TYMS: variants seen among roughly 807,000 people sequenced by gnomAD.
The protein encoded by TYMS is thymidylate synthase.
TYMS carries 21 observed loss-of-function variants against 39.3 expected under a neutral mutation model. The ratio of observed to expected loss-of-function variants is 0.54; its 90% CI spans 0.38 to 0.77. The LOEUF (loss-of-function observed/expected upper bound fraction) is 0.77. TYMS is among the 30% of genes least tolerant of loss of function. The probability of loss-of-function intolerance (pLI) is 0.00; values close to 1 mark genes in which losing one functional copy is unlikely to be tolerated. For missense variants in TYMS, 273 were observed against 406.7 expected, an observed-to-expected ratio of 0.67 and a Z score of 2.83; for synonymous variants, 171 against 162.2, an observed-to-expected ratio of 1.05 and a Z score of -0.41.
At chr18:667,919 TG>T (rs2144325236) in intron 3 of TYMS, among the ~76,000 whole-genome samples, 1 of 152,012 alleles carries the variant, frequency 6.6e-6, no homozygotes, top group African/African-American at 2.4e-5. Flanking sequence ...GTGGTATGAA[TG>T]CTTAGCTGTT....
At chr18:667,692 A>T (rs963890803) in intron 3 of TYMS, 3 of 152,200 alleles carry the variant, frequency 2.0e-5, no homozygotes, top group African/African-American at 7.2e-5. Flanking sequence ...GGCAAGTTTA[A>T]TATTATGTGT....
chr18:662,271 T>A lies in TYMS; in HGVS notation c.405T>A (p.Tyr135Ter). Residue 135 changes from tyrosine (Y) to a stop codon, truncating the protein, a stop_gained, in exon 3 of 7, where the codon TAT becomes TAA. Coordinates refer to ENST00000323274, the MANE Select transcript of TYMS (RefSeq NM_001071.4). LOFTEE classifies it high-confidence loss of function. ...AAGAAGGGGACTTGGGCCCAGTTTATGGCTTCCAGTGGAGGCATTTTGGGG... is the reference window on the plus strand; with the variant it reads ...AAGAAGGGGACTTGGGCCCAGTTTAAGGCTTCCAGTGGAGGCATTTTGGGG... ...TREEGDLGPVYGFQWRHFGAE... is the reference protein window; with the variant it reads ...TREEGDLGPV 1 of 1,613,854 alleles carries A rather than the reference T, an allele frequency of 6.2e-7. No individual in the cohort carries two copies. Among genetic ancestry groups the A allele is most frequent in the Non-Finnish European group, 8.5e-7 (1 of 1,179,946 alleles).
intron 4 of TYMS, chr18:669,454 C>T (rs992974244): frequency 8.1e-5 from 21 of 258,552 alleles, no homozygotes; most frequent in African/African-American, 4.7e-4. Flanking sequence ...CTCACTGTAA[C>T]CTCTGCCTCC....
Position 662,300 on chromosome 18 carries a change from A to C in TYMS, c.434A>C (p.Glu145Ala). The change falls in exon 3 of 7, where the codon GAA (glutamate) becomes GCA (alanine). Residue 145 changes from glutamate (E) to alanine (A), a missense_variant. Physicochemically the swap from Glu to Ala is moderately radical, Grantham distance 107. Around this residue, in one of 3 missense-constraint regions of TYMS, gnomAD observed 228 missense variants for 326.1 expected, o/e 0.70. Transcript: ENST00000323274. Reference sequence around the variant, plus strand: ...TTCCAGTGGAGGCATTTTGGGGCAGAATACAGAGATATGGAATCAGGTGAG... The same window carrying C: ...TTCCAGTGGAGGCATTTTGGGGCAGCATACAGAGATATGGAATCAGGTGAG... ...YGFQWRHFGA[E>A]YRDMESDYSG... 6.2e-7 allele frequency: 1 copy of C among 1,612,044 alleles called. No homozygotes were observed. The highest frequency in any genetic ancestry group is 8.5e-7 in the Non-Finnish European group (1 of 1,179,456).
At chr18:667,141 GGT>G (rs1214182434) in intron 3 of TYMS, among the ~76,000 whole-genome samples, 18 of 99,090 alleles carry the variant, frequency 1.8e-4, no homozygotes, top group Admixed American at 2.9e-4. Context: ...AGATGGTGAT[GGT>G]GATGGTGATG....
In TYMS at chr18:667,499, AGATGGT is replaced by A. The variant is rs1408203595; in HGVS notation, c.455-1549_455-1544del. On this transcript the variant is annotated intron_variant, in intron 3 of 6. Coordinates refer to ENST00000323274, the MANE Select transcript of TYMS (RefSeq NM_001071.4). ...GTGATGGTGATGGTGATGGTGATGG[AGATGGT>A]GATGGTGATGGTGATGGTGATGGAG... 1.5e-3 allele frequency among the ~76,000 whole-genome samples: 15 copies of A among 10,184 alleles called. 6 individuals are homozygous for A. The highest frequency in any genetic ancestry group is 2.0e-3 in the Admixed American group (3 of 1,516). The allele number at this position is 10,184 out of a possible 152,430, so 6.7% of individuals were successfully genotyped here.
chr18:666,514 A>C (rs901148693), intron 3 of TYMS, among the ~76,000 whole-genome samples: 1 of 152,126 alleles, frequency 6.6e-6, no homozygotes, highest in Admixed American at 6.5e-5. Flanking sequence ...TGTCCCTAGG[A>C]AAAGCAGATG....
Position 671,433 on chromosome 18 carries a change from C to A in TYMS, c.786C>A (p.Ile262=), listed in dbSNP as rs143415597. ...LGDAHIYLNH[I]EPLKIQLQRE... ...ATGCACATATTTACCTGAATCACAT[C>A]GAGCCACTGAAAATTCAGGTAAGAA... Residue 262 remains isoleucine, a synonymous_variant, in exon 6 of 7, where the codon ATC becomes ATA. Coordinates refer to ENST00000323274, the MANE Select transcript of TYMS (RefSeq NM_001071.4). The A allele has an allele frequency of 1.9e-6, 3 of 1,610,292 alleles. No homozygotes were observed. The highest frequency in any genetic ancestry group is 2.5e-6 in the Non-Finnish European group (3 of 1,178,258).
intron 3 of TYMS, among the ~76,000 whole-genome samples, chr18:667,157 ATGGAGATGGTGATGGT>A (rs2074854927): frequency 5.2e-5 from 5 of 95,542 alleles, no homozygotes; most frequent in Admixed American, 9.3e-5. Context: ...GGTGATGGTG[ATGGAGATGGTGATGGT>A]GATGGTGATG....
At chr18:667,541 TGATGGTGATGGA>T (rs1468414150) in intron 3 of TYMS, among the ~76,000 whole-genome samples, 6 of 64,986 alleles carry the variant, frequency 9.2e-5, no homozygotes, top group East Asian at 1.1e-3. Flanking sequence ...ATGGTGATGG[TGATGGTGATGGA>T]GATGGTGATG....
rs1249951283 is a variant in TYMS at position 657,862 on chromosome 18, C to T, written c.120C>T (p.Ile40=). The T allele has an allele frequency of 2.7e-6, 4 of 1,508,590 alleles. No individual in the cohort carries two copies. In the Admixed American group the frequency reaches 9.4e-5, roughly 36 times the overall value. The allele number at this position is 1,508,590 out of a possible 1,614,324, so 93.5% of individuals were successfully genotyped here. Residue 40 remains isoleucine, a synonymous_variant, in exon 1 of 7, where the codon ATC becomes ATT. Transcript: ENST00000323274. The part of the protein sequence containing the change: ...ELQYLGQIQH[I]LRCGVRKDDR... The stretch of plus-strand genomic sequence containing the variant: ...AGTACCTGGGGCAGATCCAACACAT[C>T]CTCCGCTGCGGCGTCAGGAAGGACG...
In TYMS at chr18:665,437, A is replaced by G. The variant is rs200168887; in HGVS notation, c.454+3117A>G. On this transcript the variant is annotated intron_variant, in intron 3 of 6. Transcript: ENST00000323274. ...TTTATTAGTCTTGCTAGCGGTCTAT[A>G]AATTTTGTTGATCCTTTCAAAAAAC... is the stretch of plus-strand genomic sequence containing the variant. 0.014 allele frequency among the ~76,000 whole-genome samples: 2,080 copies of G among 149,802 alleles called. 122 individuals carry two copies. The East Asian group carries it at 0.22, about 16-fold the overall frequency.
Position 658,034 on chromosome 18 carries a change from G to A in TYMS, c.205+87G>A. ...CGCTCGGGAGCTGCCGGGCGCTGCG[G>A]ACCCCGTTTAGTCCTAACCTCAATC... On this transcript the variant is annotated intron_variant, in intron 1 of 6. Transcript: ENST00000323274. This position sits in a 1 kb window ranked among gnomAD's most constrained non-coding sequence, Gnocchi z 4.5. 3 of 1,542,214 alleles carry A rather than the reference G, an allele frequency of 1.9e-6. No individual in the cohort carries two copies. Among genetic ancestry groups the A allele is most frequent in the Non-Finnish European group, 2.6e-6 (3 of 1,145,698 alleles).
chr18:671,313 G>C, intron 5 of TYMS, 67 bp from the exon 6 acceptor site: 1 of 1,065,728 alleles, frequency 9.4e-7, no homozygotes, highest in Non-Finnish European at 1.5e-6. Flanking sequence ...ATATTCTAAT[G>C]TTTTTAAATG....
intron 3 of TYMS, among the ~76,000 whole-genome samples, chr18:663,418 T>C (rs75201549): frequency 0.076 from 4,978 of 65,426 alleles, 537 homozygotes; most frequent in African/African-American, 0.17. Context: ...GGATATTAGC[T>C]CTTTGTCAGA....
chr18:669,331 C>G (rs1439002457), intron 4 of TYMS, 158 bp downstream of exon 4: 2 of 539,992 alleles, frequency 3.7e-6, no homozygotes, highest in African/African-American at 2.0e-5. Flanking sequence ...TTTTGCTGCA[C>G]TTTCACCTTC....
intron 5 of TYMS, chr18:671,086 T>A: frequency 1.6e-6 from 1 of 631,484 alleles, no homozygotes; most frequent in Non-Finnish European, 2.7e-6. Flanking sequence ...AGGTTGTTTG[T>A]GATACAGCTT....
chr18:673,388 A>T lies in TYMS; in HGVS notation c.*391A>T, dbSNP rs1419842099. The T allele has an allele frequency of 4.4e-6, 1 of 227,200 alleles. No individual in the cohort carries two copies. Among genetic ancestry groups the T allele is most frequent in the Non-Finnish European group, 8.8e-6 (1 of 113,850 alleles). The allele number at this position is 227,200 out of a possible 1,614,324, so 14.1% of individuals were successfully genotyped here. Reference sequence around the variant, plus strand: ...AAGAATTTCACAAGCTATTCCCTCAAATCTGAGGGAGCTGAGTAACACCAT... The same window carrying T: ...AAGAATTTCACAAGCTATTCCCTCATATCTGAGGGAGCTGAGTAACACCAT... On this transcript the variant is annotated 3_prime_UTR_variant, in exon 7 of 7. Transcript: ENST00000323274.
In TYMS at chr18:658,533, C is replaced by G; in HGVS notation, c.205+586C>G. The stretch of plus-strand genomic sequence containing the variant: ...CCTTGAAAAGAGAAATTCGGGAGTT[C>G]GAGTATAAGTTCTTAGTCGTCCTTT... On this transcript the variant is annotated intron_variant, in intron 1 of 6. Coordinates refer to ENST00000323274, the MANE Select transcript of TYMS (RefSeq NM_001071.4). This position sits in a 1 kb window ranked among gnomAD's most constrained non-coding sequence, Gnocchi z 4.5. 1.3e-5 allele frequency: 4 copies of G among 305,256 alleles called. No individual in the cohort carries two copies. The highest frequency in any genetic ancestry group is 2.4e-5 in the Non-Finnish European group (4 of 167,926). The allele number at this position is 305,256 out of a possible 1,614,324, so 18.9% of individuals were successfully genotyped here. A position where few individuals can be genotyped will look rare whatever the true frequency, so the allele number is the denominator to read the frequency against.
Sources: gnomAD v4.1 joint callset for allele counts (sites outside exome capture counted in the v4.1 genomes callset) on GRCh38, gnomAD v4.1.1 for gene constraint, gnomAD v4.1.1 regional missense constraint, Gnocchi (gnomAD v3.1) non-coding constraint, MANE v1.5 for transcripts, NCBI Gene and HGNC (gene_info 2026-07-23, HGNC 2026-07-21) for gene names.